Variants in L3MBTL1 observed in about 807,000 individuals in gnomAD.
The protein encoded by L3MBTL1 is lethal(3)malignant brain tumor-like protein 1.
L3MBTL1 carries 75 observed loss-of-function variants against 105.3 expected under a neutral mutation model. The observed-to-expected ratio is 0.71, with a 90% CI of 0.59 to 0.86. The LOEUF (loss-of-function observed/expected upper bound fraction) is 0.86. Ranked by LOEUF, L3MBTL1 falls within the 40% of genes least tolerant of loss-of-function variation. L3MBTL1 has a pLI of 0.00. For missense variants in L3MBTL1, 1,069 were observed against 1,126.4 expected, an observed-to-expected ratio of 0.95 and a Z score of 0.73; for synonymous variants, 452 against 436.2, an observed-to-expected ratio of 1.04 and a Z score of -0.45.
intron 19 of L3MBTL1, among the ~76,000 whole-genome samples, chr20:43,538,103 G>A (rs970733130): frequency 6.6e-6 from 1 of 152,104 alleles, no homozygotes; most frequent in Admixed American, 6.5e-5. Flanking sequence ...CTCTTTGTGG[G>A]AACAGAAGCA....
exon 19 of L3MBTL1, chr20:43,548,326 C>A: frequency 8.5e-7 from 1 of 1,181,770 alleles, no homozygotes; most frequent in Non-Finnish European, 1.1e-6. Flanking sequence ...CTGAATTCCT[C>A]ATACCCCACA....
At chr20:43,548,420 C>A in exon 19 of L3MBTL1, 1 of 411,516 alleles carries the variant, frequency 2.4e-6, no homozygotes, top group African/African-American at 2.1e-5. Flanking sequence ...GGAGGGTAGG[C>A]ACCCAGCCCC....
intron 7 of L3MBTL1, among the ~76,000 whole-genome samples, chr20:43,520,679 C>T (rs2018660789): frequency 6.6e-6 from 1 of 152,128 alleles, no homozygotes; most frequent in Non-Finnish European, 1.5e-5. Context: ...GCTTATTTGC[C>T]ATTTATATAT....
At chr20:43,527,342 G>C (rs550552513) in intron 7 of L3MBTL1, among the ~76,000 whole-genome samples, 1 of 152,212 alleles carries the variant, frequency 6.6e-6, no homozygotes, top group Non-Finnish European at 1.5e-5. Context: ...TGTAGCCTTC[G>C]ACTGGAGGCA....
rs997388422 is a variant in L3MBTL1 at position 43,528,971 on chromosome 20, G to A, written c.951+226G>A. The A allele has an allele frequency of 8.3e-6, 5 of 603,642 alleles. No individual in the cohort carries two copies. The Admixed American group carries it at 1.2e-4, about 14-fold the overall frequency. 37.4% of individuals were successfully genotyped at this position (603,642 alleles called of 1,614,324 possible). The stretch of plus-strand genomic sequence containing the variant: ...GGAAGCTAGGCTCACTCATCACTGG[G>A]CCTGCAGACTTTTGAATTCTGGTGA... On this transcript the variant is annotated intron_variant, in intron 8 of 21. Coordinates refer to ENST00000418998, the MANE Select transcript of L3MBTL1 (RefSeq NM_001377303.1).
intron 3 of L3MBTL1, 183 bp from the exon 4 acceptor site, chr20:43,514,452 G>T: frequency 6.7e-7 from 1 of 1,494,362 alleles, no homozygotes; most frequent in South Asian, 1.3e-5. Flanking sequence ...CAGGTGCTTG[G>T]GGGCGTAGCC....
Position 43,540,257 on chromosome 20 carries a change from A to T in L3MBTL1, c.2280A>T (p.Pro760=). 6.2e-7 allele frequency: 1 copy of T among 1,613,856 alleles called. No homozygotes were observed. Among genetic ancestry groups the T allele is most frequent in the Middle Eastern group, 1.6e-4 (1 of 6,062 alleles). The change falls in exon 20 of 22, where the codon CCA becomes CCT. Residue 760 remains proline (P), a synonymous_variant. Transcript: ENST00000418998. ...VCWEQHCKLL[P]GVAGISASTV... ...GGGAGCAGCACTGCAAGCTCCTGCCAGGAGTAGCGGGCATCTCAGCCTCGA... is the reference window on the plus strand; with the variant it reads ...GGGAGCAGCACTGCAAGCTCCTGCCTGGAGTAGCGGGCATCTCAGCCTCGA...
At chr20:43,518,843 TA>T (rs2018544451) in intron 7 of L3MBTL1, among the ~76,000 whole-genome samples, 1 of 23,088 alleles carries the variant, frequency 4.3e-5, no homozygotes, top group Admixed American at 6.5e-4. Flanking sequence ...CCATCTCTAC[TA>T]AAAATACAAA....
chr20:43,525,505 C>T (rs2018982727), intron 7 of L3MBTL1, among the ~76,000 whole-genome samples: 1 of 152,186 alleles, frequency 6.6e-6, no homozygotes, highest in African/African-American at 2.4e-5. Flanking sequence ...GGATTTTAGC[C>T]CCATTCACAC....
Position 43,536,432 on chromosome 20 carries a change from G to A in L3MBTL1, c.2147G>A (p.Arg716Gln), listed in dbSNP as rs143376857. The A allele has an allele frequency of 2.1e-5, 34 of 1,613,870 alleles. No individual in the cohort carries two copies. The highest frequency in any genetic ancestry group is 4.0e-5 in the African/African-American group (3 of 74,912). Residue 716 changes from arginine to glutamine, a missense_variant, in exon 19 of 22, where the codon CGA (arginine) becomes CAA (glutamine). Physicochemically the swap from Arg to Gln is conservative, Grantham distance 43. Coordinates refer to ENST00000418998, the MANE Select transcript of L3MBTL1 (RefSeq NM_001377303.1). ...AGAATTGGACGCCCTCCGAAGTATCGAAAGATTCCGCAGGAAGATTTCCAG... is the reference window on the plus strand; with the variant it reads ...AGAATTGGACGCCCTCCGAAGTATCAAAAGATTCCGCAGGAAGATTTCCAG... ...HGRIGRPPKYRKIPQEDFQTL... is the reference protein window; with the variant it reads ...HGRIGRPPKYQKIPQEDFQTL...
chr20:43,534,354 G>C lies in L3MBTL1; in HGVS notation c.1670G>C (p.Arg557Pro). Reference sequence around the variant, plus strand: ...GACCGCAGGAACCCAGCCCTGATTCGCGTGGCCAGCGTGGAGGATGTGGAG... The same window carrying C: ...GACCGCAGGAACCCAGCCCTGATTCCCGTGGCCAGCGTGGAGGATGTGGAG... Reference protein sequence around the residue: ...AVDRRNPALIRVASVEDVEDH... With the variant: ...AVDRRNPALIPVASVEDVEDH... The change falls in exon 15 of 22, where the codon CGC becomes CCC. Residue 557 changes from arginine to proline, a missense_variant. Coordinates refer to ENST00000418998, the MANE Select transcript of L3MBTL1 (RefSeq NM_001377303.1). 1 of 1,614,134 alleles carries C rather than the reference G, an allele frequency of 6.2e-7. No homozygotes were observed. Among genetic ancestry groups the C allele is most frequent in the South Asian group, 1.1e-5 (1 of 91,072 alleles).
At position 43,514,724 on chromosome 20, in the gene L3MBTL1, C is replaced by T. The variant is rs2018275993; in HGVS notation, c.450C>T (p.Tyr150=). 2 of 1,577,200 alleles carry T rather than the reference C, an allele frequency of 1.3e-6. No homozygotes were observed. The highest frequency in any genetic ancestry group is 4.6e-5 in the East Asian group (2 of 43,382). Residue 150 remains tyrosine, a synonymous_variant, in exon 4 of 22, where the codon TAC becomes TAT. Coordinates refer to ENST00000418998, the MANE Select transcript of L3MBTL1 (RefSeq NM_001377303.1). ...TGCGGCAGGAAGGCGTGACCGAATACGAAGATGGCGGGGCCCCGGCGGGAG... is the reference window on the plus strand; with the variant it reads ...TGCGGCAGGAAGGCGTGACCGAATATGAAGATGGCGGGGCCCCGGCGGGAG... ...PELRQEGVTE[Y]EDGGAPAGDG... is the part of the protein sequence containing the mutation.
chr20:43,507,870 G>T (rs1030228735), intron 1 of L3MBTL1, 126 bp downstream of exon 1: 9 of 152,326 alleles, frequency 5.9e-5, no homozygotes, highest in African/African-American at 2.2e-4. Flanking sequence ...GAGCGCCTCC[G>T]GCGGGGGGCG....
chr20:43,530,765 C>A, intron 10 of L3MBTL1, 33 bp from the exon 11 acceptor site: 1 of 1,599,400 alleles, frequency 6.3e-7, no homozygotes, highest in South Asian at 1.1e-5. Context: ...AGCCTCTGCA[C>A]GGCGCTCTGT....
chr20:43,522,812 A>G (rs1192650059), intron 7 of L3MBTL1, among the ~76,000 whole-genome samples: 41 of 143,974 alleles, frequency 2.8e-4, no homozygotes, highest in Non-Finnish European at 2.4e-4. Flanking sequence ...CTAAAGTAAA[A>G]TGTCAGATGG....
chr20:43,545,573 G>T (rs981473081), downstream of L3MBTL1, among the ~76,000 whole-genome samples: 2 of 152,172 alleles, frequency 1.3e-5, no homozygotes, highest in African/African-American at 4.8e-5. Flanking sequence ...TCCCCATCGA[G>T]GAGGTGCTGG....
rs2018097523 is a variant in L3MBTL1 at position 43,510,329 on chromosome 20, G to C, written c.-29+2585G>C. ...TCTAAAGGTATTTAAAATAGTACAA[G>C]TACTTCAGCTGTGCAAAGCAAATTG... On this transcript the variant is annotated intron_variant, in intron 1 of 21. Transcript: ENST00000418998. Among the ~76,000 whole-genome samples, 2 of 151,688 alleles carry C rather than the reference G, an allele frequency of 1.3e-5. 1 individual carries two copies. The highest frequency in any genetic ancestry group is 4.2e-4 in the South Asian group (2 of 4,810).
intron 7 of L3MBTL1, among the ~76,000 whole-genome samples, chr20:43,517,393 C>CT (rs1304900254): frequency 6.6e-6 from 1 of 151,900 alleles, no homozygotes; most frequent in Non-Finnish European, 1.5e-5. Context: ...GGCACCCAGC[C>CT]TTTTTTTTAA....
At chr20:43,507,785 C>G (rs1300678266) in intron 1 of L3MBTL1, 41 bp downstream of exon 1, 1 of 152,164 alleles carries the variant, frequency 6.6e-6, no homozygotes, top group Non-Finnish European at 1.5e-5. Flanking sequence ...CTTGCGTCCC[C>G]TGGGCGCCGC....
Sources: gnomAD v4.1 joint callset for allele counts (sites outside exome capture counted in the v4.1 genomes callset) on GRCh38, gnomAD v4.1.1 for gene constraint, MANE v1.5 for transcripts, NCBI Gene and HGNC (gene_info 2026-07-23, HGNC 2026-07-21) for gene names.